CCNB1IP1: variants seen among roughly 807,000 people sequenced by gnomAD.
CCNB1IP1 encodes cyclin B1 interacting protein 1.
CCNB1IP1 carries 14 observed loss-of-function variants against 25.6 expected under a neutral mutation model. That is an observed-to-expected ratio of 0.55 (90% CI 0.36 to 0.85). CCNB1IP1 has a LOEUF of 0.85. Ranked by LOEUF, CCNB1IP1 falls within the 40% of genes least tolerant of loss-of-function variation. The pLI, the probability that CCNB1IP1 is intolerant of heterozygous loss-of-function variation, is 0.01. For synonymous variants in CCNB1IP1, 119 were observed against 116.1 expected (o/e 1.02, Z -0.16); for missense variants, 278 against 342.4 (o/e 0.81, Z 1.48).
intron 6 of CCNB1IP1, among the ~76,000 whole-genome samples, chr14:20,312,722 C>T (rs927462411): frequency 2.0e-5 from 3 of 150,986 alleles, no homozygotes; most frequent in African/African-American, 7.3e-5. Flanking sequence ...AGATTCATTC[C>T]GTCTGCAAGG....
At chr14:20,315,425 T>C in intron 5 of CCNB1IP1, 1 of 960,328 alleles carries the variant, frequency 1.0e-6, no homozygotes, top group Non-Finnish European at 1.3e-6. Flanking sequence ...GCAAAAACAC[T>C]ATTTGGTATT....
rs1882475006 is a variant in CCNB1IP1, at chr14:20,311,443, G to A, written c.*107C>T. On this transcript the variant is annotated 3_prime_UTR_variant, in exon 7 of 7. Coordinates refer to ENST00000358932, the MANE Select transcript of CCNB1IP1 (RefSeq NM_021178.5). ...TCTGTTGCCCAGGCTGGAGTGCAGT[G>A]GCATGATCTTAGATCACTAAAGCCT... 6 of 888,478 alleles carry A rather than the reference G, an allele frequency of 6.8e-6. No individual in the cohort carries two copies. Among genetic ancestry groups the A allele is most frequent in the East Asian group, 2.4e-5 (1 of 41,334 alleles). 55.0% of individuals were successfully genotyped at this position (888,478 alleles called of 1,614,324 possible).
intron 1 of CCNB1IP1, among the ~76,000 whole-genome samples, chr14:20,330,025 A>G (rs538902617): frequency 1.3e-5 from 2 of 151,316 alleles, no homozygotes; most frequent in African/African-American, 4.9e-5. Flanking sequence ...TGTTATTTCT[A>G]TGTCTTGCCC....
intron 1 of CCNB1IP1, among the ~76,000 whole-genome samples, chr14:20,330,287 G>A (rs1422728829): frequency 1.3e-5 from 2 of 152,018 alleles, no homozygotes; most frequent in East Asian, 3.9e-4. Context: ...CTAAATACTG[G>A]GTTCACAGGA....
rs774755137 is a variant in CCNB1IP1 at position 20,316,340 on chromosome 14, C to G, written c.184G>C (p.Val62Leu). The G allele has an allele frequency of 9.3e-6, 15 of 1,613,936 alleles. No homozygotes were observed. The highest frequency in any genetic ancestry group is 1.0e-5 in the Non-Finnish European group (12 of 1,179,872). ...NSTLSGKLDI[V>L]RTELSPSEEY... ...TCTGATGGACTGAGTTCTGTGCGGA[C>G]AATATCTAGCTTTCCAGAAAGGGTA... Residue 62 changes from valine (V) to leucine (L), a missense_variant, in exon 5 of 7, where the codon GTC becomes CTC. Transcript: ENST00000358932.
chr14:20,314,867 G>C lies in CCNB1IP1; in HGVS notation c.298-1066C>G, dbSNP rs532523206. Among the ~76,000 whole-genome samples, 45 of 151,728 alleles carry C rather than the reference G, an allele frequency of 3.0e-4. 1 individual carries two copies. The East Asian group carries it at 7.7e-3, about 26-fold the overall frequency. Reference sequence around the variant, plus strand: ...AGCACTTTGGGAGGCAGAGGTGGGCGGATCATGAGGTCAGGAGATCGAGAC... The same window carrying C: ...AGCACTTTGGGAGGCAGAGGTGGGCCGATCATGAGGTCAGGAGATCGAGAC... On this transcript the variant is annotated intron_variant, in intron 5 of 6. Transcript: ENST00000358932.
chr14:20,320,203 T>C, intron 4 of CCNB1IP1: 1 of 411,960 alleles, frequency 2.4e-6, no homozygotes, highest in South Asian at 1.8e-5. Flanking sequence ...TATCATACTC[T>C]TGTTTTCAAT....
At chr14:20,311,894 C>A in intron 6 of CCNB1IP1, 142 bp from the exon 7 acceptor site, 1 of 507,900 alleles carries the variant, frequency 2.0e-6, no homozygotes, top group East Asian at 3.3e-5. Context: ...CATATAAAAT[C>A]TTTTACCCCA....
At chr14:20,315,977 TGTGA>T (rs1325402554) in intron 5 of CCNB1IP1, 28 of 483,936 alleles carry the variant, frequency 5.8e-5, no homozygotes, top group East Asian at 1.1e-4. Context: ...AGAGAGAGTG[TGTGA>T]GTGTGTGTGT....
intron 5 of CCNB1IP1, chr14:20,315,413 C>A: frequency 1.1e-6 from 1 of 905,118 alleles, no homozygotes; most frequent in Non-Finnish European, 1.4e-6. Context: ...CCACATAAGC[C>A]AGCAAAAACA....
intron 4 of CCNB1IP1, among the ~76,000 whole-genome samples, chr14:20,321,767 T>C (rs1337288976): frequency 2.0e-5 from 3 of 152,208 alleles, no homozygotes; most frequent in Non-Finnish European, 4.4e-5. Flanking sequence ...ATACGTTTCA[T>C]ATTCTGGCCA....
Position 20,311,416 on chromosome 14 carries a change from ACT to A in CCNB1IP1, c.*132_*133del, listed in dbSNP as rs1882473297. ...TATTTTTTTTTAGAAACAGGGTCTC[ACT>A]CTGTTGCCCAGGCTGGAGTGCAGTG... On this transcript the variant is annotated 3_prime_UTR_variant, in exon 7 of 7. Transcript: ENST00000358932. 1 of 677,204 alleles carries A rather than the reference ACT, an allele frequency of 1.5e-6. No homozygotes were observed. The highest frequency in any genetic ancestry group is 2.6e-6 in the Non-Finnish European group (1 of 385,006). 41.9% of individuals were successfully genotyped at this position (677,204 alleles called of 1,614,324 possible). A position where few individuals can be genotyped will look rare whatever the true frequency, so the allele number is the denominator to read the frequency against.
chr14:20,313,359 C>G, intron 6 of CCNB1IP1, 109 bp downstream of exon 6: 1 of 821,854 alleles, frequency 1.2e-6, no homozygotes, highest in South Asian at 2.3e-5. Context: ...TACCACAACT[C>G]AATGCTTGTC....
At chr14:20,332,026 A>ATATATATAT (rs59034398) in intron 1 of CCNB1IP1, among the ~76,000 whole-genome samples, 11 of 40,738 alleles carry the variant, frequency 2.7e-4, no homozygotes, top group African/African-American at 9.6e-4. Flanking sequence ...ATATATATAT[A>ATATATATAT]TTTTTTTTTT....
At chr14:20,330,125 A>C (rs79246438) in intron 1 of CCNB1IP1, among the ~76,000 whole-genome samples, 12,605 of 150,892 alleles carry the variant, frequency 0.084, 924 homozygotes, top group African/African-American at 0.19. Flanking sequence ...AAAACAAAAA[A>C]CATGTCCTTT....
rs142412319 is a variant in CCNB1IP1, at chr14:20,328,104, C to G, written c.-231+1070G>C. Among the ~76,000 whole-genome samples, 404 of 152,240 alleles carry G rather than the reference C, an allele frequency of 2.7e-3. 1 individual carries two copies. Among genetic ancestry groups the G allele is most frequent in the African/African-American group, 8.9e-3 (371 of 41,554 alleles). On this transcript the variant is annotated intron_variant, in intron 2 of 6. Coordinates refer to ENST00000358932, the MANE Select transcript of CCNB1IP1 (RefSeq NM_021178.5). ...CAGTGGCTATCATTCTTTAGAAATC[C>G]TATCTGTCAAGCTGTATAGAATTTG...
chr14:20,316,487 G>A lies in CCNB1IP1; in HGVS notation c.37C>T (p.Arg13Ter), dbSNP rs1294577400. Residue 13 changes from arginine (R) to a stop codon, truncating the protein, a stop_gained, in exon 5 of 7, where the codon CGA becomes TGA. Transcript: ENST00000358932. LOFTEE classifies it high-confidence loss of function. ...CCAGAGAGTTTGATGCGACACTTTC[G>A]ATAATTACAAAGCAGCATGTCTTCA... ...LCEDMLLCNY[R>*]KCRIKLSGYA... 1.6e-5 allele frequency: 26 copies of A among 1,611,382 alleles called. No homozygotes were observed. The highest frequency in any genetic ancestry group is 2.1e-5 in the Non-Finnish European group (25 of 1,179,954).
intron 4 of CCNB1IP1, among the ~76,000 whole-genome samples, chr14:20,317,436 C>T (rs1296465329): frequency 6.6e-6 from 1 of 151,950 alleles, no homozygotes; most frequent in Non-Finnish European, 1.5e-5. Flanking sequence ...CCCTCCAGGT[C>T]GATAGAAAAG....
rs1165794454 is a variant in CCNB1IP1 at position 20,311,573 on chromosome 14, C to G, written c.811G>C (p.Ala271Pro). The change falls in exon 7 of 7, where the codon GCC becomes CCC. Residue 271 changes from alanine (A) to proline (P), a missense_variant. Physicochemically the swap from Ala to Pro is conservative, Grantham distance 27. Coordinates refer to ENST00000358932, the MANE Select transcript of CCNB1IP1 (RefSeq NM_021178.5). ...ELEQQQVSSRAFKVKRI is the reference protein window; with the variant it reads ...ELEQQQVSSRPFKVKRI ...GCTCAAATTCTTTTTACTTTGAAGG[C>G]CCTGCTAGAAACTTGCTGCTGCTCT... 1.2e-5 allele frequency: 19 copies of G among 1,613,364 alleles called. No individual in the cohort carries two copies. The highest frequency in any genetic ancestry group is 1.4e-5 in the Non-Finnish European group (17 of 1,179,940).
Sources: allele counts gnomAD v4.1 joint callset (sites outside exome capture counted in the v4.1 genomes callset), GRCh38; gene constraint gnomAD v4.1.1; transcripts MANE v1.5; gene names NCBI Gene and HGNC (gene_info 2026-07-23, HGNC 2026-07-21).